Variants in ITGA9 observed in about 807,000 individuals in gnomAD.
The protein encoded by ITGA9 is integrin alpha-9.
A neutral mutation model predicts 127.8 loss-of-function variants in ITGA9; 56 were observed. The observed-to-expected ratio is 0.44, with a 90% CI of 0.35 to 0.55. The LOEUF is 0.55. Ranked by LOEUF, ITGA9 falls within the 20% of genes least tolerant of loss-of-function variation. ITGA9 has a pLI of 0.00. For missense variants in ITGA9, 1,196 were observed against 1,347.1 expected (o/e 0.89, Z 1.76); for synonymous variants, 508 against 514.5 (o/e 0.99, Z 0.17).
chr3:37,558,620 C>T (rs1699454087), intron 15 of ITGA9, among the ~76,000 whole-genome samples: 1 of 152,100 alleles, frequency 6.6e-6, no homozygotes, highest in South Asian at 2.1e-4. Flanking sequence ...ATTTGGATGG[C>T]ACCCTATTTA....
At chr3:37,692,408 AGAGAGTGTGTGTGTGTGT>A in intron 18 of ITGA9, among the ~76,000 whole-genome samples, 1 of 137,792 alleles carries the variant, frequency 7.3e-6, no homozygotes, top group Middle Eastern at 3.6e-3. Flanking sequence ...TGAGAGAGAG[AGAGAGTGTGTGTGTGTGT>A]GTGTGTGTGT....
chr3:37,610,850 A>G (rs1330138496), intron 15 of ITGA9, among the ~76,000 whole-genome samples: 1 of 152,202 alleles, frequency 6.6e-6, no homozygotes, highest in Non-Finnish European at 1.5e-5. Context: ...TGCTGTAGGT[A>G]AGAGATGTAA....
intron 13 of ITGA9, among the ~76,000 whole-genome samples, chr3:37,526,872 G>C (rs994850447): frequency 6.6e-5 from 10 of 152,220 alleles, no homozygotes; most frequent in Non-Finnish European, 1.5e-4. Flanking sequence ...ACCTTCTGCT[G>C]GTCTCCACTG....
intron 17 of ITGA9, among the ~76,000 whole-genome samples, chr3:37,664,620 A>G (rs1700568074): frequency 6.6e-6 from 1 of 151,570 alleles, no homozygotes; most frequent in South Asian, 2.1e-4. Flanking sequence ...GGGTTTCTCC[A>G]TGTTGGTCAG....
At chr3:37,571,417 CCAGA>C (rs1430100680) in intron 15 of ITGA9, among the ~76,000 whole-genome samples, 1 of 152,174 alleles carries the variant, frequency 6.6e-6, no homozygotes, top group Non-Finnish European at 1.5e-5. Flanking sequence ...ATTCAAGAGG[CCAGA>C]CATTCTGTCT....
chr3:37,531,702 G>A (rs17230261), intron 13 of ITGA9, among the ~76,000 whole-genome samples: 8,131 of 152,294 alleles, frequency 0.053, 274 homozygotes, highest in East Asian at 0.094. Context: ...TTGGACACTC[G>A]TGGTTTTCAG....
Position 37,793,353 on chromosome 3 carries a change from T to G in ITGA9, c.2889+8275T>G, listed in dbSNP as rs550417479. Among the ~76,000 whole-genome samples, 3 of 148,902 alleles carry G rather than the reference T, an allele frequency of 2.0e-5. No individual in the cohort carries two copies. In the East Asian group the frequency reaches 5.9e-4, roughly 29 times the overall value. ...CCAGTAACTATGAACAAGATGAAATTTTTACCCTCAAGACTTCCACAGCCC... is the reference window on the plus strand; with the variant it reads ...CCAGTAACTATGAACAAGATGAAATGTTTACCCTCAAGACTTCCACAGCCC... On this transcript the variant is annotated intron_variant, in intron 26 of 27. Transcript: ENST00000264741.
At chr3:37,498,063 G>A (rs1272771885) in intron 5 of ITGA9, among the ~76,000 whole-genome samples, 1 of 152,212 alleles carries the variant, frequency 6.6e-6, no homozygotes, top group Non-Finnish European at 1.5e-5. Flanking sequence ...GTGGGGTAGA[G>A]GAAGGAGGGT....
intron 15 of ITGA9, among the ~76,000 whole-genome samples, chr3:37,596,709 CA>C (rs1699874178): frequency 6.6e-6 from 1 of 151,970 alleles, no homozygotes; most frequent in Non-Finnish European, 1.5e-5. Context: ...ACCCAAAACA[CA>C]AGGGGTCTGG....
At chr3:37,605,754 A>T (rs1429697139) in intron 15 of ITGA9, among the ~76,000 whole-genome samples, 1 of 152,214 alleles carries the variant, frequency 6.6e-6, no homozygotes, top group African/African-American at 2.4e-5. Flanking sequence ...GGAATATGTT[A>T]TTACAGTCCG....
chr3:37,456,173 T>C (rs931478949), intron 1 of ITGA9, among the ~76,000 whole-genome samples: 4 of 152,134 alleles, frequency 2.6e-5, no homozygotes, highest in Non-Finnish European at 1.5e-5. Flanking sequence ...GTGAGAACTG[T>C]CCCCATGGCT....
intron 20 of ITGA9, among the ~76,000 whole-genome samples, chr3:37,741,370 G>A (rs1256531491): frequency 6.7e-6 from 1 of 150,310 alleles, no homozygotes; most frequent in Non-Finnish European, 1.5e-5. Context: ...GACTGACTCT[G>A]CCTCACAGAG....
chr3:37,476,098 G>A (rs777066126), intron 3 of ITGA9, among the ~76,000 whole-genome samples: 20 of 152,096 alleles, frequency 1.3e-4, no homozygotes, highest in South Asian at 4.1e-4. Flanking sequence ...ATCTATTGAC[G>A]GACATTTAGG....
At chr3:37,712,245 CCA>C (rs1019708089) in intron 18 of ITGA9, among the ~76,000 whole-genome samples, 28 of 152,300 alleles carry the variant, frequency 1.8e-4, no homozygotes, top group Admixed American at 1.4e-3. Flanking sequence ...TTCCAGGTGA[CCA>C]CAGAGGGTCC....
At chr3:37,516,661 A>T (rs1314646671) in intron 9 of ITGA9, among the ~76,000 whole-genome samples, 2 of 152,176 alleles carry the variant, frequency 1.3e-5, no homozygotes, top group Non-Finnish European at 2.9e-5. Flanking sequence ...TTTATAGTGA[A>T]AAAGAAGACT....
chr3:37,595,174 C>T (rs756661449), intron 15 of ITGA9, among the ~76,000 whole-genome samples: 69 of 151,898 alleles, frequency 4.5e-4, no homozygotes, highest in Non-Finnish European at 7.7e-4. Context: ...GTACAGTCTC[C>T]GCTCACTGCA....
chr3:37,525,955 G>A, intron 12 of ITGA9, 71 bp from the exon 13 acceptor site: 9 of 1,284,072 alleles, frequency 7.0e-6, no homozygotes, highest in Non-Finnish European at 9.1e-6. Flanking sequence ...ATCCTTGTGA[G>A]CGCATTCCCA....
At position 37,455,936 on chromosome 3, in the gene ITGA9, T is replaced by A. The variant is rs1420532707; in HGVS notation, c.185+3377T>A. On this transcript the variant is annotated intron_variant, in intron 1 of 27. Transcript: ENST00000264741. ...TGTGCTCTGTTGGTGGAACTAGCAC[T>A]TCTCTAATCCCATAACTGAGCATTT... Among the ~76,000 whole-genome samples, 3 of 152,308 alleles carry A rather than the reference T, an allele frequency of 2.0e-5. No homozygotes were observed. In the South Asian group the frequency reaches 6.2e-4, roughly 32 times the overall value.
intron 6 of ITGA9, among the ~76,000 whole-genome samples, chr3:37,505,241 G>A (rs1335349415): frequency 6.6e-6 from 1 of 152,104 alleles, no homozygotes; most frequent in Non-Finnish European, 1.5e-5. Context: ...TTCTAATTCT[G>A]TATCTGTAAA....
Sources: gnomAD v4.1 joint callset for allele counts (sites outside exome capture counted in the v4.1 genomes callset) on GRCh38, gnomAD v4.1.1 for gene constraint, MANE v1.5 for transcripts, NCBI Gene and HGNC (gene_info 2026-07-23, HGNC 2026-07-21) for gene names.